Variants in SKIL observed in about 807,000 individuals in gnomAD.
The protein encoded by SKIL is ski-like protein.
Under a neutral mutation model 69.6 loss-of-function variants are expected in SKIL, and 20 were observed. That is an observed-to-expected ratio of 0.29 (90% confidence interval 0.20 to 0.42). The LOEUF is 0.42. SKIL is among the 10% of genes least tolerant of loss of function. SKIL has a pLI of 1.00. For missense variants in SKIL, 745 were observed against 783.1 expected (o/e 0.95, Z 0.58); for synonymous variants, 310 against 279.9 (o/e 1.11, Z -1.08).
chr3:170,381,438 T>G, intron 3 of SKIL, 97 bp downstream of exon 3: 5 of 657,282 alleles, frequency 7.6e-6, no homozygotes, highest in Non-Finnish European at 1.4e-5. Context: ...TAATTATTTA[T>G]TTATTTTTTT....
chr3:170,361,436 T>G lies in SKIL; in HGVS notation c.1098+7T>G, dbSNP rs750178645. The G allele has an allele frequency of 2.6e-6, 4 of 1,540,148 alleles. No individual in the cohort carries two copies. The highest frequency in any genetic ancestry group is 3.5e-6 in the Non-Finnish European group (4 of 1,147,310). On this transcript the variant is annotated splice_region_variant and intron_variant, in intron 2 of 6. Transcript: ENST00000259119. Reference sequence around the variant, plus strand: ...AAAGAGAAATCAATCCAAGGCAAGTTTTTTATATCAATTTTTAATAATGGT... The same window carrying G: ...AAAGAGAAATCAATCCAAGGCAAGTGTTTTATATCAATTTTTAATAATGGT...
At chr3:170,376,510 G>A (rs1737041329) in intron 2 of SKIL, among the ~76,000 whole-genome samples, 1 of 152,130 alleles carries the variant, frequency 6.6e-6, no homozygotes, top group Non-Finnish European at 1.5e-5. Flanking sequence ...ATTGTAAAAT[G>A]TCTGAAAAAG....
intron 2 of SKIL, among the ~76,000 whole-genome samples, chr3:170,378,700 C>G (rs1737167530): frequency 1.3e-5 from 2 of 151,384 alleles, no homozygotes; most frequent in South Asian, 4.2e-4. Flanking sequence ...TACAGGCACT[C>G]ACCACCATGT....
intron 2 of SKIL, among the ~76,000 whole-genome samples, chr3:170,364,105 C>T (rs1284815873): frequency 6.6e-6 from 1 of 152,136 alleles, no homozygotes; most frequent in East Asian, 1.9e-4. Flanking sequence ...CGCCCACCGC[C>T]ATGCCCAGCT....
chr3:170,382,570 C>A (rs962761654), intron 3 of SKIL, among the ~76,000 whole-genome samples: 2 of 151,674 alleles, frequency 1.3e-5, no homozygotes, highest in Non-Finnish European at 2.9e-5. Flanking sequence ...GCTGTCACTC[C>A]TGGCTAATTT....
In SKIL at chr3:170,395,390, A is replaced by G. The variant is rs1200931794; in HGVS notation, c.*2973A>G. ...AGTTAGGGTGTTTTATGCTTCTTGA[A>G]CTAATTTTATAACATATTTAATATA... On this transcript the variant is annotated 3_prime_UTR_variant, in exon 7 of 7. Coordinates refer to ENST00000259119, the MANE Select transcript of SKIL (RefSeq NM_005414.5). 1 of 152,134 alleles carries G rather than the reference A, an allele frequency of 6.6e-6. No homozygotes were observed. Among genetic ancestry groups the G allele is most frequent in the African/African-American group, 2.4e-5 (1 of 41,460 alleles). 9.4% of individuals were successfully genotyped at this position (152,134 alleles called of 1,614,324 possible). A position where few individuals can be genotyped will look rare whatever the true frequency, so the allele number is the denominator to read the frequency against.
chr3:170,390,311 T>C lies in SKIL; in HGVS notation c.1518T>C (p.Ile506=). 1.9e-6 allele frequency: 3 copies of C among 1,614,018 alleles called. No homozygotes were observed. Among genetic ancestry groups the C allele is most frequent in the Non-Finnish European group, 2.5e-6 (3 of 1,179,874 alleles). The change falls in exon 5 of 7, where the codon ATT becomes ATC. Residue 506 remains isoleucine, a synonymous_variant. Transcript: ENST00000259119. ...TCAGAGACATAAACAAAGTGGGAAT[T>C]GGCCTTGTTGCTGCCGCTTCATCTC... ...NLVRDINKVG[I]GLVAAASSPL... is the part of the protein sequence containing the mutation.
At chr3:170,383,926 C>A (rs1008954015) in intron 3 of SKIL, among the ~76,000 whole-genome samples, 5 of 151,022 alleles carry the variant, frequency 3.3e-5, no homozygotes, top group African/African-American at 1.2e-4. Flanking sequence ...AGAGTTGTTA[C>A]ACAGCTGTAT....
chr3:170,360,862 A>C lies in SKIL; in HGVS notation c.531A>C (p.Glu177Asp). The change falls in exon 2 of 7, where the codon GAA becomes GAC. Residue 177 changes from glutamate (E) to aspartate (D), a missense_variant. Physicochemically the swap from Glu to Asp is conservative, Grantham distance 45. Transcript: ENST00000259119. Reference protein sequence around the residue: ...LPQVLNSVLREFTLQQINTVC... With the variant: ...LPQVLNSVLRDFTLQQINTVC... ...AAGTCTTAAATTCTGTTCTCCGAGA[A>C]TTTACACTCCAGCAAATAAATACAG... 1.2e-6 allele frequency: 2 copies of C among 1,614,176 alleles called. No individual in the cohort carries two copies. The highest frequency in any genetic ancestry group is 1.7e-6 in the Non-Finnish European group (2 of 1,180,038).
chr3:170,388,096 T>C (rs1577444816), intron 4 of SKIL, among the ~76,000 whole-genome samples: 1 of 152,166 alleles, frequency 6.6e-6, no homozygotes, highest in Non-Finnish European at 1.5e-5. Flanking sequence ...CTGCCAAACT[T>C]TTCAAAAGCA....
chr3:170,370,697 A>G (rs1046751673), intron 2 of SKIL, among the ~76,000 whole-genome samples: 52 of 152,230 alleles, frequency 3.4e-4, no homozygotes, highest in African/African-American at 1.2e-3. Context: ...CATATTTTGC[A>G]TTTTTTATGG....
intron 2 of SKIL, among the ~76,000 whole-genome samples, chr3:170,379,556 G>A (rs1577431990): frequency 6.6e-6 from 1 of 152,124 alleles, no homozygotes; most frequent in Non-Finnish European, 1.5e-5. Flanking sequence ...GATGAAGGGA[G>A]GACAAAGTGT....
intron 4 of SKIL, among the ~76,000 whole-genome samples, chr3:170,386,383 G>T (rs1737634136): frequency 1.3e-5 from 2 of 151,770 alleles, no homozygotes; most frequent in African/African-American, 2.4e-5. Flanking sequence ...GCCTGCCTCG[G>T]CCTCCCAAAG....
intron 2 of SKIL, among the ~76,000 whole-genome samples, chr3:170,377,384 C>T (rs561853913): frequency 7.3e-6 from 1 of 136,588 alleles, no homozygotes; most frequent in Admixed American, 8.0e-5. Flanking sequence ...AGGCATGAGC[C>T]ACTGTGCCCA....
chr3:170,392,278 G>T lies in SKIL; in HGVS notation c.1916G>T (p.Arg639Ile), dbSNP rs750196264. 1.6e-5 allele frequency: 25 copies of T among 1,609,098 alleles called. No homozygotes were observed. The South Asian group carries it at 2.8e-4, about 18-fold the overall frequency. ...YAGQLAELRQ[R>I]LDHAEADRQE... The stretch of plus-strand genomic sequence containing the variant: ...ACATAGTTGGCAGAACTGAGGCAGA[G>T]ATTGGACCATGCTGAGGCCGATAGG... Residue 639 changes from arginine to isoleucine, a missense_variant, in exon 7 of 7, where the codon AGA becomes ATA. Transcript: ENST00000259119.
intron 2 of SKIL, among the ~76,000 whole-genome samples, chr3:170,373,545 T>G (rs11924474): frequency 0.75 from 113,775 of 152,070 alleles, 43,328 homozygotes; most frequent in East Asian, 0.84. Flanking sequence ...TTCCCACTAG[T>G]GTTTTGAGGC....
intron 2 of SKIL, among the ~76,000 whole-genome samples, chr3:170,374,400 CTCTAACTTAAGCTACTAAATGA>C (rs1341614093): frequency 1.3e-5 from 2 of 152,018 alleles, no homozygotes; most frequent in African/African-American, 4.8e-5. Context: ...AATGTTAAGG[CTCTAACTTAAGCTACTAAATGA>C]TCCACTTCTT....
At chr3:170,363,310 T>A (rs1229972886) in intron 2 of SKIL, among the ~76,000 whole-genome samples, 1 of 152,196 alleles carries the variant, frequency 6.6e-6, no homozygotes, top group Non-Finnish European at 1.5e-5. Context: ...CCTTTAAGGT[T>A]TTGAGGGAAA....
chr3:170,373,882 G>T (rs1736902417), intron 2 of SKIL, among the ~76,000 whole-genome samples: 1 of 151,028 alleles, frequency 6.6e-6, no homozygotes, highest in Non-Finnish European at 1.5e-5. Context: ...CTGTCTCAAG[G>T]GAAAAAAAAA....
Sources: gnomAD v4.1 joint callset for allele counts (sites outside exome capture counted in the v4.1 genomes callset) on GRCh38, gnomAD v4.1.1 for gene constraint, MANE v1.5 for transcripts, NCBI Gene and HGNC (gene_info 2026-07-23, HGNC 2026-07-21) for gene names.